Variants in NCOA2 observed in about 807,000 individuals in gnomAD.
NCOA2 encodes the protein nuclear receptor coactivator 2, also known as class E basic helix-loop-helix protein 75.
Under a neutral mutation model 145.1 loss-of-function variants are expected in NCOA2, and 21 were observed. The ratio of observed to expected loss-of-function variants is 0.14; its 90% CI spans 0.10 to 0.21. The LOEUF (loss-of-function observed/expected upper bound fraction) is 0.21. NCOA2 is among the 10% of genes least tolerant of loss of function. The pLI is 1.00. For synonymous variants in NCOA2, 619 were observed against 637.5 expected, an observed-to-expected ratio of 0.97 and a Z score of 0.44; for missense variants, 1,472 against 1,837.6, an observed-to-expected ratio of 0.80 and a Z score of 3.64.
intron 2 of NCOA2, among the ~76,000 whole-genome samples, chr8:70,277,157 C>T (rs768164614): frequency 2.6e-5 from 4 of 151,150 alleles, no homozygotes; most frequent in Non-Finnish European, 5.9e-5. Flanking sequence ...TGTTTTTTTT[C>T]CTAATTGCTT....
intron 1 of NCOA2, among the ~76,000 whole-genome samples, chr8:70,387,848 A>G (rs1368482877): frequency 1.3e-5 from 2 of 152,198 alleles, no homozygotes; most frequent in African/African-American, 2.4e-5. Flanking sequence ...AAGTCCAAGC[A>G]GGTACAAGGA....
intron 4 of NCOA2, among the ~76,000 whole-genome samples, chr8:70,184,474 G>A (rs906039625): frequency 6.6e-6 from 1 of 152,148 alleles, no homozygotes; most frequent in Admixed American, 6.5e-5. Context: ...CCCACGCAGA[G>A]TGCTGCGAGA....
intron 2 of NCOA2, among the ~76,000 whole-genome samples, chr8:70,278,948 A>T (rs1825674685): frequency 6.6e-6 from 1 of 151,740 alleles, no homozygotes; most frequent in Non-Finnish European, 1.5e-5. Context: ...CCTGGGCAAC[A>T]GAGCAAGACT....
In NCOA2 at chr8:70,113,524, C is replaced by G. The variant is rs150911442; in HGVS notation, c.*108G>C. The G allele has an allele frequency of 1.5e-6, 2 of 1,312,474 alleles. No homozygotes were observed. Among genetic ancestry groups the G allele is most frequent in the African/African-American group, 1.5e-5 (1 of 68,028 alleles). 81.3% of individuals were successfully genotyped at this position (1,312,474 alleles called of 1,614,324 possible). A position where few individuals can be genotyped will look rare whatever the true frequency, so the allele number is the denominator to read the frequency against. On this transcript the variant is annotated 3_prime_UTR_variant, in exon 23 of 23. Coordinates refer to ENST00000452400, the MANE Select transcript of NCOA2 (RefSeq NM_006540.4). ...CCAGGCCTGTCTGCTCTAGCAGAAC[C>G]GGCTGGCAGGTCAGTTGGGTTGAAA... is the stretch of plus-strand genomic sequence containing the variant.
At chr8:70,344,104 T>C (rs1563786699) in intron 1 of NCOA2, among the ~76,000 whole-genome samples, 1 of 152,222 alleles carries the variant, frequency 6.6e-6, no homozygotes, top group Non-Finnish European at 1.5e-5. Flanking sequence ...CACTACAGTA[T>C]ACTTACAGTT....
intron 1 of NCOA2, among the ~76,000 whole-genome samples, chr8:70,379,313 G>T (rs1367341854): frequency 6.6e-6 from 1 of 152,108 alleles, no homozygotes; most frequent in Admixed American, 6.6e-5. Flanking sequence ...ATTTTGATAA[G>T]GACGGGACAA....
At chr8:70,415,032 G>A in the NCOA2 span, among the ~76,000 whole-genome samples, 2 of 152,136 alleles carry the variant, frequency 1.3e-5, no homozygotes, top group East Asian at 3.9e-4. Context: ...ACTAGGCATG[G>A]TGGCTCATGC....
At chr8:70,282,686 C>CCAA (rs1554616296) in intron 2 of NCOA2, among the ~76,000 whole-genome samples, 28 of 97,242 alleles carry the variant, frequency 2.9e-4, no homozygotes, top group African/African-American at 1.0e-3. Context: ...AAAACTGCCT[C>CCAA]AAAAAAAAAA....
chr8:70,254,063 A>T (rs1823424675), intron 2 of NCOA2, among the ~76,000 whole-genome samples: 1 of 152,188 alleles, frequency 6.6e-6, no homozygotes, highest in Non-Finnish European at 1.5e-5. Flanking sequence ...AAGGAATCTG[A>T]TTTAAAAACT....
chr8:70,140,395 A>ATATG (rs1204239777), intron 14 of NCOA2, among the ~76,000 whole-genome samples: 1 of 152,102 alleles, frequency 6.6e-6, no homozygotes, highest in East Asian at 1.9e-4. Flanking sequence ...AATTTTAATA[A>ATATG]TATGTGAACT....
chr8:70,203,374 TCC>T (rs1458004010), intron 4 of NCOA2, among the ~76,000 whole-genome samples: 1 of 152,102 alleles, frequency 6.6e-6, no homozygotes, highest in Non-Finnish European at 1.5e-5. Flanking sequence ...TAGTCACAGT[TCC>T]CTCTCCCTTC....
chr8:70,447,815 G>A, the NCOA2 span, among the ~76,000 whole-genome samples: 30 of 150,984 alleles, frequency 2.0e-4, no homozygotes, highest in African/African-American at 6.6e-4. Flanking sequence ...CTCCTGAGTC[G>A]TTAGGACTAC....
In NCOA2 at chr8:70,167,205, G is replaced by C. The variant is rs116761004; in HGVS notation, c.542-451C>G. On this transcript the variant is annotated intron_variant, in intron 6 of 22. Transcript: ENST00000452400. ...GTCAGCCCTGCTCAAAATTCTGTGAGTGGCACCAAATGTAGTGCACGTTAA... is the reference window on the plus strand; with the variant it reads ...GTCAGCCCTGCTCAAAATTCTGTGACTGGCACCAAATGTAGTGCACGTTAA... Among the ~76,000 whole-genome samples, 1,261 of 152,296 alleles carry C rather than the reference G, an allele frequency of 8.3e-3. 11 individuals are homozygous for C. The highest frequency in any genetic ancestry group is 0.027 in the African/African-American group (1,130 of 41,544).
At chr8:70,195,196 G>T (rs543643888) in intron 4 of NCOA2, among the ~76,000 whole-genome samples, 1 of 152,200 alleles carries the variant, frequency 6.6e-6, no homozygotes, top group African/African-American at 2.4e-5. Flanking sequence ...TTTTGACAGA[G>T]TATATGTGAC....
At chr8:70,362,396 AT>A (rs1380431154) in intron 1 of NCOA2, among the ~76,000 whole-genome samples, 2 of 152,230 alleles carry the variant, frequency 1.3e-5, no homozygotes, top group African/African-American at 2.4e-5. Context: ...CTGGGAGAAA[AT>A]AACTCACAAG....
chr8:70,296,773 TAA>T lies in NCOA2; in HGVS notation c.-51_-50del, dbSNP rs1386962008. On this transcript the variant is annotated 5_prime_UTR_variant, in exon 2 of 23. Transcript: ENST00000452400. The stretch of plus-strand genomic sequence containing the variant: ...GCCTGTAAACAGTGCAGAAGATCTA[TAA>T]GTGTGTAGCCAAATCCAAGAGAAAT... The T allele has an allele frequency of 1.3e-5, 2 of 152,196 alleles. No individual in the cohort carries two copies. The highest frequency in any genetic ancestry group is 4.8e-5 in the African/African-American group (2 of 41,454). 9.4% of individuals were successfully genotyped at this position (152,196 alleles called of 1,614,324 possible).
chr8:70,409,839 A>C, the NCOA2 span, among the ~76,000 whole-genome samples: 2 of 152,066 alleles, frequency 1.3e-5, no homozygotes, highest in Non-Finnish European at 2.9e-5. Context: ...CACTGCAATG[A>C]GCTGAGCTGG....
intron 4 of NCOA2, among the ~76,000 whole-genome samples, chr8:70,187,425 G>A (rs1419784734): frequency 2.0e-5 from 3 of 152,102 alleles, no homozygotes; most frequent in South Asian, 2.1e-4. Flanking sequence ...TATCGGTTAC[G>A]TGCTCTCAAA....
At chr8:70,142,166 A>G (rs1410210518) in intron 13 of NCOA2, among the ~76,000 whole-genome samples, 1 of 152,212 alleles carries the variant, frequency 6.6e-6, no homozygotes, top group African/African-American at 2.4e-5. Context: ...AACATTTGCT[A>G]AGACTTGATA....
Sources: allele counts gnomAD v4.1 joint callset (sites outside exome capture counted in the v4.1 genomes callset), GRCh38; gene constraint gnomAD v4.1.1; transcripts MANE v1.5; gene names NCBI Gene and HGNC (gene_info 2026-07-23, HGNC 2026-07-21).